The following WWP1 variants were observed in gnomAD, a reference collection of about 807,000 sequenced individuals.
WWP1 encodes the protein WW domain containing E3 ubiquitin protein ligase 1, also known as NEDD4-like E3 ubiquitin-protein ligase WWP1.
In WWP1, 49 loss-of-function variants were observed where a neutral mutation model predicts 130.6. The observed-to-expected ratio is 0.38, with a 90% confidence interval of 0.30 to 0.48. The LOEUF is 0.48. Ranked by LOEUF, WWP1 falls within the 20% of genes least tolerant of loss-of-function variation. The pLI is 0.99. For missense variants in WWP1, 809 were observed against 1,100.6 expected, an observed-to-expected ratio of 0.74 and a Z score of 3.75; for synonymous variants, 332 against 367.8, an observed-to-expected ratio of 0.90 and a Z score of 1.11.
Position 86,431,431 on chromosome 8 carries a change from G to C in WWP1, c.1413G>C (p.Arg471Ser), listed in dbSNP as rs765679738. Residue 471 changes from arginine (R) to serine (S), a missense_variant, in exon 13 of 25, where the codon AGG becomes AGC. Coordinates refer to ENST00000517970, the MANE Select transcript of WWP1 (RefSeq NM_007013.4). ...GWEKRVDSTD[R>S]VYFVNHNTKT... is the part of the protein sequence containing the mutation. ...AAAAAAGAGTGGATTCAACAGACAG[G>C]GTTTACTTTGTGAATCATAACACAA... The C allele has an allele frequency of 1.2e-6, 2 of 1,607,144 alleles. No homozygotes were observed. Among genetic ancestry groups the C allele is most frequent in the Non-Finnish European group, 8.5e-7 (1 of 1,176,542 alleles).
chr8:86,373,595 G>T (rs1320725917), intron 2 of WWP1, among the ~76,000 whole-genome samples: 1 of 152,060 alleles, frequency 6.6e-6, no homozygotes, highest in Non-Finnish European at 1.5e-5. Flanking sequence ...ATATAAATTT[G>T]ATTTTTAAGA....
At chr8:86,375,931 G>T (rs1348836687) in intron 3 of WWP1, among the ~76,000 whole-genome samples, 1 of 152,182 alleles carries the variant, frequency 6.6e-6, no homozygotes, top group Non-Finnish European at 1.5e-5. Context: ...AAAATCTGTT[G>T]TCAAGCTTTG....
Position 86,356,956 on chromosome 8 carries a change from G to T in WWP1, c.-114-11983G>T, listed in dbSNP as rs1286275808. 3.3e-5 allele frequency among the ~76,000 whole-genome samples: 5 copies of T among 152,284 alleles called. No homozygotes were observed. The East Asian group carries it at 9.6e-4, about 29-fold the overall frequency. ...GTTGGCCAACGACTTCGTCTAGTTT[G>T]TAATGGATAGCTTTTTACTGTAAAT... On this transcript the variant is annotated intron_variant, in intron 1 of 24. Transcript: ENST00000517970.
intron 22 of WWP1, among the ~76,000 whole-genome samples, chr8:86,460,389 T>C (rs568124910): frequency 1.3e-4 from 20 of 152,316 alleles, no homozygotes; most frequent in Non-Finnish European, 2.6e-4. Flanking sequence ...TCTGCCACTT[T>C]AGCAGTTTGG....
chr8:86,377,351 G>A (rs772978514), intron 3 of WWP1, among the ~76,000 whole-genome samples: 2 of 151,738 alleles, frequency 1.3e-5, no homozygotes, highest in Non-Finnish European at 2.9e-5. Flanking sequence ...GCCTGCCTCG[G>A]CCTCCCAGAG....
intron 18 of WWP1, among the ~76,000 whole-genome samples, chr8:86,443,299 C>T (rs2130726665): frequency 6.6e-6 from 1 of 152,206 alleles, no homozygotes; most frequent in African/African-American, 2.4e-5. Context: ...GTCTCAAACT[C>T]CTGAGCTGAA....
intron 1 of WWP1, among the ~76,000 whole-genome samples, chr8:86,360,926 G>A (rs1193743732): frequency 6.6e-6 from 1 of 152,172 alleles, no homozygotes; most frequent in Non-Finnish European, 1.5e-5. Context: ...ACTATTGATT[G>A]GATGGAGCAG....
chr8:86,405,230 G>T (rs1808206436), intron 8 of WWP1: 1 of 152,054 alleles, frequency 6.6e-6, no homozygotes, highest in Non-Finnish European at 1.5e-5. Flanking sequence ...TTTGGAGATG[G>T]GATAGGGGTG....
At chr8:86,433,962 C>T (rs920733813) in intron 14 of WWP1, among the ~76,000 whole-genome samples, 3 of 152,034 alleles carry the variant, frequency 2.0e-5, no homozygotes, top group African/African-American at 7.2e-5. Flanking sequence ...TCCTCTATCT[C>T]TCCTACCTTA....
chr8:86,416,036 G>A (rs1459066226), intron 9 of WWP1, among the ~76,000 whole-genome samples: 1 of 152,214 alleles, frequency 6.6e-6, no homozygotes, highest in Admixed American at 6.5e-5. Flanking sequence ...GGAAGAAATG[G>A]TTAACAAGGT....
intron 9 of WWP1, among the ~76,000 whole-genome samples, chr8:86,423,595 A>G (rs1461739502): frequency 6.6e-6 from 1 of 152,196 alleles, no homozygotes; most frequent in Admixed American, 6.5e-5. Flanking sequence ...TTAGTACAGA[A>G]CAAAATGGAG....
intron 16 of WWP1, among the ~76,000 whole-genome samples, chr8:86,436,685 AT>A (rs914548266): frequency 6.6e-6 from 1 of 152,234 alleles, no homozygotes; most frequent in Non-Finnish European, 1.5e-5. Flanking sequence ...TCTGCAGAAT[AT>A]TTAAGGATAA....
At chr8:86,362,928 C>G (rs1358662020) in intron 1 of WWP1, among the ~76,000 whole-genome samples, 1 of 152,088 alleles carries the variant, frequency 6.6e-6, no homozygotes, top group South Asian at 2.1e-4. Context: ...CATTATTTAA[C>G]TTTCATTATT....
At position 86,381,462 on chromosome 8, in the gene WWP1, A is replaced by G. The variant is rs764578100; in HGVS notation, c.210-43A>G. The G allele has an allele frequency of 1.9e-6, 3 of 1,559,660 alleles. No homozygotes were observed. In the Admixed American group the frequency reaches 6.8e-5, roughly 35 times the overall value. On this transcript the variant is annotated intron_variant, in intron 4 of 24. Transcript: ENST00000517970. ...AATTGTTACTTATTAATAGAATGAC[A>G]ACGTCTACTCCTGTATTTTTGTTAA...
intron 24 of WWP1, 80 bp from the exon 25 acceptor site, chr8:86,466,714 T>TCTATGTGCTTTGAAAA (rs1476688391): frequency 5.0e-6 from 5 of 993,520 alleles, no homozygotes; most frequent in Non-Finnish European, 7.4e-6. Context: ...ATTCAGCATT[T>TCTATGTGCTTTGAAAA]CTATGTGCTT....
At chr8:86,355,068 A>T (rs1030565582) in intron 1 of WWP1, among the ~76,000 whole-genome samples, 3 of 152,210 alleles carry the variant, frequency 2.0e-5, no homozygotes, top group Non-Finnish European at 4.4e-5. Context: ...GGTCTGTCCG[A>T]CTTGAAAACT....
chr8:86,354,098 C>A (rs1317396554), intron 1 of WWP1, among the ~76,000 whole-genome samples: 3 of 152,148 alleles, frequency 2.0e-5, no homozygotes, highest in Non-Finnish European at 2.9e-5. Context: ...GGGCTGAGTG[C>A]TACTGTTTAA....
chr8:86,421,748 C>T (rs768276034), intron 9 of WWP1, among the ~76,000 whole-genome samples: 56 of 151,998 alleles, frequency 3.7e-4, no homozygotes, highest in Admixed American at 2.6e-3. Context: ...GGTGTGAACC[C>T]GGGAGGCGGA....
At chr8:86,425,011 AG>A (rs1809535331) in intron 9 of WWP1, among the ~76,000 whole-genome samples, 1 of 152,050 alleles carries the variant, frequency 6.6e-6, no homozygotes, top group African/African-American at 2.4e-5. Flanking sequence ...TGTAATAAAA[AG>A]GGAATAATTA....
Sources: gnomAD v4.1 joint callset for allele counts (sites outside exome capture counted in the v4.1 genomes callset) on GRCh38, gnomAD v4.1.1 for gene constraint, MANE v1.5 for transcripts, NCBI Gene and HGNC (gene_info 2026-07-23, HGNC 2026-07-21) for gene names.